Variants in ZNRF1 observed in about 807,000 individuals in gnomAD.
ZNRF1 encodes E3 ubiquitin-protein ligase ZNRF1.
A neutral mutation model predicts 18.4 loss-of-function variants in ZNRF1; 3 were observed. The ratio of observed to expected loss-of-function variants is 0.16; its 90% CI spans 0.07 to 0.42. ZNRF1 has a LOEUF of 0.42. Among genes scored for constraint, ZNRF1 ranks in the 10% least tolerant of loss-of-function variants. ZNRF1 has a pLI of 0.99. For synonymous variants in ZNRF1, 157 were observed against 144.2 expected, an observed-to-expected ratio of 1.09 and a Z score of -0.64; for missense variants, 310 against 329.8, an observed-to-expected ratio of 0.94 and a Z score of 0.47.
At chr16:75,103,065 C>T (rs2036271435) in intron 2 of ZNRF1, among the ~76,000 whole-genome samples, 1 of 152,156 alleles carries the variant, frequency 6.6e-6, no homozygotes, top group South Asian at 2.1e-4. Flanking sequence ...CCTGGGCCTG[C>T]GCGTGAGAAG....
At chr16:75,016,270 A>T (rs1206603417) in intron 1 of ZNRF1, among the ~76,000 whole-genome samples, 1 of 141,840 alleles carries the variant, frequency 7.1e-6, no homozygotes, top group Admixed American at 7.2e-5. Flanking sequence ...ACGGAGTCTC[A>T]CTCTGTCGCC....
chr16:75,097,146 G>A (rs2036209768), intron 2 of ZNRF1, among the ~76,000 whole-genome samples: 1 of 152,184 alleles, frequency 6.6e-6, no homozygotes, highest in African/African-American at 2.4e-5. Flanking sequence ...TAACATCTCT[G>A]TTTGTGACTC....
At chr16:75,095,638 A>T (rs2036189174) in intron 2 of ZNRF1, 1 of 1,549,988 alleles carries the variant, frequency 6.5e-7, no homozygotes, top group Non-Finnish European at 8.7e-7. Flanking sequence ...AGCCTGAGAA[A>T]ACCTGGCTCT....
chr16:75,093,855 A>T (rs1451649796), intron 2 of ZNRF1, among the ~76,000 whole-genome samples, 188 bp downstream of exon 2: 2 of 152,182 alleles, frequency 1.3e-5, no homozygotes, highest in Admixed American at 1.3e-4. Flanking sequence ...AGAGAGGAAG[A>T]GGAGTGGGAC....
chr16:75,060,473 CTTTTTTT>C (rs34182819), intron 1 of ZNRF1, among the ~76,000 whole-genome samples: 3 of 70,244 alleles, frequency 4.3e-5, no homozygotes, highest in Admixed American at 4.0e-4. Context: ...CTCAGAAAAT[CTTTTTTT>C]TTTTTTTTTT....
chr16:75,043,305 C>T (rs1350454800), intron 1 of ZNRF1, among the ~76,000 whole-genome samples: 2 of 152,140 alleles, frequency 1.3e-5, no homozygotes, highest in Admixed American at 1.3e-4. Context: ...ATCACTGAAA[C>T]CAGACATGGT....
At chr16:75,031,082 C>G (rs1373670871) in intron 1 of ZNRF1, among the ~76,000 whole-genome samples, 1 of 151,412 alleles carries the variant, frequency 6.6e-6, no homozygotes, top group Non-Finnish European at 1.5e-5. Flanking sequence ...ATGATCCGCC[C>G]ACCTCAGCCT....
chr16:75,095,426 C>T (rs888550662), intron 2 of ZNRF1, among the ~76,000 whole-genome samples: 1 of 152,090 alleles, frequency 6.6e-6, no homozygotes, highest in African/African-American at 2.4e-5. Context: ...TTCGCCGTCT[C>T]CGCTTGGGAC....
At chr16:75,093,447 C>G (rs1304360560) in intron 1 of ZNRF1, 125 bp from the exon 2 acceptor site, 1 of 680,182 alleles carries the variant, frequency 1.5e-6, no homozygotes. Context: ...GGTCCAGGGT[C>G]TGTTCTGATG....
chr16:75,085,794 G>GAGAA (rs934073730), intron 1 of ZNRF1, among the ~76,000 whole-genome samples: 1 of 137,236 alleles, frequency 7.3e-6, no homozygotes, highest in African/African-American at 3.3e-5. Flanking sequence ...GACAGAGTGA[G>GAGAA]AGAGAGAGAG....
At chr16:75,045,298 C>T (rs1175171809) in intron 1 of ZNRF1, among the ~76,000 whole-genome samples, 1 of 152,154 alleles carries the variant, frequency 6.6e-6, no homozygotes, top group Non-Finnish European at 1.5e-5. Flanking sequence ...TCTGCCTGCC[C>T]TTTTGCATTT....
chr16:75,097,409 C>G (rs544041265), intron 2 of ZNRF1, among the ~76,000 whole-genome samples: 1 of 152,132 alleles, frequency 6.6e-6, no homozygotes, highest in Non-Finnish European at 1.5e-5. Context: ...CAGCTGTGTT[C>G]TGGGGGAGCA....
At chr16:75,007,023 CAAGTGTG>C (rs1014031021) in intron 1 of ZNRF1, among the ~76,000 whole-genome samples, 3 of 150,762 alleles carry the variant, frequency 2.0e-5, no homozygotes, top group African/African-American at 7.3e-5. Context: ...GACCAGCCCT[CAAGTGTG>C]AAGTGTGAAG....
intron 1 of ZNRF1, among the ~76,000 whole-genome samples, chr16:75,087,339 C>G (rs2036085607): frequency 6.6e-6 from 1 of 152,212 alleles, no homozygotes; most frequent in Non-Finnish European, 1.5e-5. Flanking sequence ...TAAGAGGTCA[C>G]AGATGGCAAG....
At chr16:75,010,058 C>T (rs2034973570) in intron 1 of ZNRF1, among the ~76,000 whole-genome samples, 1 of 152,156 alleles carries the variant, frequency 6.6e-6, no homozygotes, top group African/African-American at 2.4e-5. Flanking sequence ...TCTCAGCTCA[C>T]TACAACCTCT....
At chr16:75,045,045 A>G (rs2035497667) in intron 1 of ZNRF1, among the ~76,000 whole-genome samples, 1 of 152,066 alleles carries the variant, frequency 6.6e-6, no homozygotes. Flanking sequence ...TGGGAAACAA[A>G]CTTCGTCTTA....
At position 75,080,926 on chromosome 16, in the gene ZNRF1, T is replaced by C. The variant is rs370753538; in HGVS notation, c.425-12646T>C. Among the ~76,000 whole-genome samples the C allele has an allele frequency of 3.3e-5, 5 of 151,758 alleles. No homozygotes were observed. The South Asian group carries it at 1.0e-3, about 32-fold the overall frequency. On this transcript the variant is annotated intron_variant, in intron 1 of 4. Transcript: ENST00000335325. ...CAGTGGCTCACACCTGTAATCCCAGTACTTTGGGAGGCCAAGGTGGGCGGA... is the reference window on the plus strand; with the variant it reads ...CAGTGGCTCACACCTGTAATCCCAGCACTTTGGGAGGCCAAGGTGGGCGGA...
intron 1 of ZNRF1, among the ~76,000 whole-genome samples, chr16:75,035,245 G>T (rs2035362630): frequency 6.6e-6 from 1 of 152,052 alleles, no homozygotes; most frequent in African/African-American, 2.4e-5. Flanking sequence ...TGTTGCCTGG[G>T]CTGGTCTCCA....
intron 2 of ZNRF1, chr16:75,095,598 G>C (rs1458236582): frequency 6.5e-7 from 1 of 1,545,026 alleles, no homozygotes; most frequent in South Asian, 1.2e-5. Flanking sequence ...TTTGTTGTAG[G>C]AAGAATACAA....
Sources: allele counts gnomAD v4.1 joint callset (sites outside exome capture counted in the v4.1 genomes callset), GRCh38; gene constraint gnomAD v4.1.1; transcripts MANE v1.5; gene names NCBI Gene and HGNC (gene_info 2026-07-23, HGNC 2026-07-21).